GRIN2B: variants seen among roughly 807,000 people sequenced by gnomAD.
GRIN2B encodes glutamate ionotropic receptor NMDA type subunit 2B, also known as glutamate receptor ionotropic, NMDA 2B.
A neutral mutation model predicts 114.5 loss-of-function variants in GRIN2B; 5 were observed. The observed-to-expected ratio is 0.04, with a 90% CI of 0.02 to 0.09. The LOEUF is 0.09. Ranked by LOEUF, GRIN2B falls within the 10% of genes least tolerant of loss-of-function variation. GRIN2B has a pLI of 1.00. For synonymous variants in GRIN2B, 787 were observed against 745.1 expected, an observed-to-expected ratio of 1.06 and a Z score of -0.92; for missense variants, 1,108 against 1,943.5, an observed-to-expected ratio of 0.57 and a Z score of 8.08.
At chr12:13,574,428 G>GATGTTTATA (rs1948747501) in intron 10 of GRIN2B, among the ~76,000 whole-genome samples, 1 of 152,188 alleles carries the variant, frequency 6.6e-6, no homozygotes, top group Non-Finnish European at 1.5e-5. Flanking sequence ...AATGACAACT[G>GATGTTTATA]ATGTTTATAA....
chr12:13,560,495 T>A lies in GRIN2B; in HGVS notation c.*2288A>T, dbSNP rs886503185. The A allele has an allele frequency of 6.6e-6, 1 of 152,132 alleles. No homozygotes were observed. The highest frequency in any genetic ancestry group is 2.4e-5 in the African/African-American group (1 of 41,404). 9.4% of individuals were successfully genotyped at this position (152,132 alleles called of 1,614,324 possible). ...TCTAGATTGCTGTTCGCTAGGTTAG[T>A]TGGTTTGGTTTTTTTGTTTGAAAGG... On this transcript the variant is annotated 3_prime_UTR_variant, in exon 14 of 14. Coordinates refer to ENST00000609686, the MANE Select transcript of GRIN2B (RefSeq NM_000834.5).
chr12:13,901,354 T>G (rs1185754579), intron 2 of GRIN2B, among the ~76,000 whole-genome samples: 1 of 152,128 alleles, frequency 6.6e-6, no homozygotes, highest in Non-Finnish European at 1.5e-5. Flanking sequence ...TACAAGAATA[T>G]TCATTTCTTT....
chr12:13,655,430 G>GT lies in GRIN2B; in HGVS notation c.1125+20314dup, dbSNP rs1327316376. Among the ~76,000 whole-genome samples the GT allele has an allele frequency of 3.3e-5, 5 of 152,186 alleles. No homozygotes were observed. The East Asian group carries it at 5.8e-4, about 18-fold the overall frequency. On this transcript the variant is annotated intron_variant, in intron 5 of 13. Coordinates refer to ENST00000609686, the MANE Select transcript of GRIN2B (RefSeq NM_000834.5). ...AGTATGAGGCTTGAATTTTACAGCG[G>GT]TAAGAATTGACTGAGAAGGAAAATG...
At chr12:13,789,837 T>C (rs371349811) in intron 3 of GRIN2B, among the ~76,000 whole-genome samples, 8 of 152,138 alleles carry the variant, frequency 5.3e-5, no homozygotes, top group Non-Finnish European at 1.0e-4. Flanking sequence ...AGAAGTAAAA[T>C]TGGGAGACAC....
intron 2 of GRIN2B, among the ~76,000 whole-genome samples, chr12:13,931,686 C>T (rs546859061): frequency 1.3e-4 from 20 of 152,346 alleles, no homozygotes; most frequent in African/African-American, 4.6e-4. Context: ...AAAAACACTT[C>T]CTGTTTTCTT....
At chr12:13,884,954 G>C (rs11055663) in intron 2 of GRIN2B, among the ~76,000 whole-genome samples, 16,543 of 152,166 alleles carry the variant, frequency 0.11, 1,566 homozygotes, top group East Asian at 0.43. Flanking sequence ...AGCACATGTA[G>C]TGGTTATTTT....
Position 13,775,606 on chromosome 12 carries a change from A to G in GRIN2B, c.412-21691T>C, listed in dbSNP as rs144742861. Among the ~76,000 whole-genome samples, 26 of 152,350 alleles carry G rather than the reference A, an allele frequency of 1.7e-4. No homozygotes were observed. In the East Asian group the frequency reaches 5.0e-3, roughly 29 times the overall value. ...AATTAGGGAAGAATCAGCCAAACAT[A>G]TTAACTTTTCAAAAGTCATTAATAC... On this transcript the variant is annotated intron_variant, in intron 3 of 13. Coordinates refer to ENST00000609686, the MANE Select transcript of GRIN2B (RefSeq NM_000834.5).
intron 3 of GRIN2B, among the ~76,000 whole-genome samples, chr12:13,778,335 T>G (rs538342652): frequency 8.5e-5 from 13 of 152,374 alleles, no homozygotes; most frequent in Admixed American, 2.6e-4. Context: ...TGAAAGGTAT[T>G]CTGGAGAACA....
intron 8 of GRIN2B, among the ~76,000 whole-genome samples, chr12:13,613,585 G>A (rs778789439): frequency 5.3e-5 from 8 of 152,014 alleles, no homozygotes; most frequent in African/African-American, 9.7e-5. Flanking sequence ...ACTCTGAAAC[G>A]GCCTTATTTG....
In GRIN2B at chr12:13,540,190, A is replaced by C. The variant is rs1204628894; in HGVS notation, c.*22593T>G. The stretch of plus-strand genomic sequence containing the variant: ...CTTTTAACAATCTTTTTGGAATCAC[A>C]GTAAAGAAAGCACAAAGACCAAGAA... On this transcript the variant is annotated 3_prime_UTR_variant, in exon 14 of 14. Transcript: ENST00000609686. The C allele has an allele frequency of 6.6e-6, 1 of 152,226 alleles. No individual in the cohort carries two copies. The highest frequency in any genetic ancestry group is 1.5e-5 in the Non-Finnish European group (1 of 68,046). 9.4% of individuals were successfully genotyped at this position (152,226 alleles called of 1,614,324 possible). A position where few individuals can be genotyped will look rare whatever the true frequency, so the allele number is the denominator to read the frequency against.
At chr12:13,687,768 C>T (rs1442372401) in intron 4 of GRIN2B, among the ~76,000 whole-genome samples, 1 of 152,196 alleles carries the variant, frequency 6.6e-6, no homozygotes, top group Non-Finnish European at 1.5e-5. Flanking sequence ...GCACTGGATT[C>T]CCAGGATGAA....
chr12:13,826,065 T>TA (rs1390220563), intron 3 of GRIN2B, among the ~76,000 whole-genome samples: 4 of 152,144 alleles, frequency 2.6e-5, no homozygotes, highest in African/African-American at 9.7e-5. Flanking sequence ...ACTGTTTTTT[T>TA]AGAGTTCTGT....
intron 2 of GRIN2B, among the ~76,000 whole-genome samples, chr12:13,969,365 T>C (rs1867840441): frequency 6.6e-6 from 1 of 152,224 alleles, no homozygotes; most frequent in Non-Finnish European, 1.5e-5. Flanking sequence ...AGTCAGGGCT[T>C]AGAATCAGAA....
chr12:13,640,261 A>C (rs1949702785), intron 5 of GRIN2B, among the ~76,000 whole-genome samples: 1 of 152,176 alleles, frequency 6.6e-6, no homozygotes, highest in Admixed American at 6.5e-5. Flanking sequence ...TAAAATAACC[A>C]AAAAGAAAAA....
intron 3 of GRIN2B, among the ~76,000 whole-genome samples, chr12:13,758,288 A>G (rs934539602): frequency 6.6e-5 from 10 of 152,046 alleles, no homozygotes; most frequent in Non-Finnish European, 1.3e-4. Context: ...GCACCCCCTA[A>G]TAAACCCCCT....
intron 10 of GRIN2B, among the ~76,000 whole-genome samples, chr12:13,595,688 C>G (rs1011347493): frequency 4.6e-5 from 7 of 152,266 alleles, no homozygotes; most frequent in African/African-American, 1.4e-4. Context: ...GCAGCCTCTC[C>G]TCATTAGCAA....
At chr12:13,893,857 A>T in intron 2 of GRIN2B, among the ~76,000 whole-genome samples, 1 of 152,140 alleles carries the variant, frequency 6.6e-6, no homozygotes, top group East Asian at 1.9e-4. Flanking sequence ...CATTTATCTG[A>T]TTTATAAATG....
intron 10 of GRIN2B, among the ~76,000 whole-genome samples, chr12:13,604,811 C>T (rs1949215084): frequency 6.6e-6 from 1 of 152,174 alleles, no homozygotes. Flanking sequence ...CTGTCCATGA[C>T]ACTGATATGC....
chr12:13,726,175 C>G (rs1194835628), intron 4 of GRIN2B, among the ~76,000 whole-genome samples: 1 of 151,962 alleles, frequency 6.6e-6, no homozygotes. Flanking sequence ...TCTCCACTTC[C>G]AGAAATATCA....
Sources: allele counts gnomAD v4.1 joint callset (sites outside exome capture counted in the v4.1 genomes callset), GRCh38; gene constraint gnomAD v4.1.1; transcripts MANE v1.5; gene names NCBI Gene and HGNC (gene_info 2026-07-23, HGNC 2026-07-21).